The following RIMS2 variants were observed in gnomAD, a reference collection of about 807,000 sequenced individuals.
RIMS2 encodes the protein regulating synaptic membrane exocytosis protein 2.
Under a neutral mutation model 174.4 loss-of-function variants are expected in RIMS2, and 59 were observed. That is an observed-to-expected ratio of 0.34 (90% CI 0.27 to 0.42). The LOEUF (loss-of-function observed/expected upper bound fraction) is 0.42. RIMS2 is among the 10% of genes least tolerant of loss of function. The pLI is 1.00. For synonymous variants in RIMS2, 606 were observed against 572.5 expected, an observed-to-expected ratio of 1.06 and a Z score of -0.84; for missense variants, 1,620 against 1,666.3, an observed-to-expected ratio of 0.97 and a Z score of 0.48.
At chr8:104,182,170 T>G (rs1303451044) in intron 19 of RIMS2, among the ~76,000 whole-genome samples, 2 of 151,852 alleles carry the variant, frequency 1.3e-5, no homozygotes, top group Non-Finnish European at 2.9e-5. Context: ...ATTAGGAATA[T>G]TTTCTTCTAA....
In RIMS2 at chr8:104,189,631, GTATACAATTCTAAATATATATTCCA is replaced by G; in HGVS notation, c.3335-55284_3335-55260del. 3.4e-5 allele frequency among the ~76,000 whole-genome samples: 5 copies of G among 147,470 alleles called. No homozygotes were observed. The South Asian group carries it at 8.4e-4, about 25-fold the overall frequency. On this transcript the variant is annotated intron_variant, in intron 19 of 23. Transcript: ENST00000504942. ...AAATATATATATATTTCAAATATATGTATACAATTCTAAATATATATTCCAAATGTATATATAGTCTCTCTATATA... is the reference window on the plus strand; with the variant it reads ...AAATATATATATATTTCAAATATATGAATGTATATATAGTCTCTCTATATA...
intron 19 of RIMS2, among the ~76,000 whole-genome samples, chr8:104,017,040 TG>T (rs1411868871): frequency 1.3e-5 from 2 of 152,062 alleles, no homozygotes; most frequent in African/African-American, 4.8e-5. Flanking sequence ...AAAGGGGTTT[TG>T]TTTTTTAGTT....
intron 3 of RIMS2, among the ~76,000 whole-genome samples, chr8:103,860,923 T>A (rs951460498): frequency 2.0e-5 from 3 of 152,170 alleles, no homozygotes; most frequent in Admixed American, 1.3e-4. Flanking sequence ...TAAGCAATTG[T>A]CTGTACAAAG....
chr8:103,590,523 T>C (rs190170122), intron 1 of RIMS2, among the ~76,000 whole-genome samples: 1 of 151,228 alleles, frequency 6.6e-6, no homozygotes, highest in Non-Finnish European at 1.5e-5. Context: ...CAACTTACCA[T>C]GAAAAATTTC....
intron 1 of RIMS2, among the ~76,000 whole-genome samples, chr8:103,576,052 T>G (rs2093207547): frequency 6.6e-6 from 1 of 152,192 alleles, no homozygotes; most frequent in Non-Finnish European, 1.5e-5. Flanking sequence ...GCAGGACCAC[T>G]ATCCTCAGCA....
chr8:103,575,165 A>G (rs2093122043), intron 1 of RIMS2, among the ~76,000 whole-genome samples: 1 of 152,252 alleles, frequency 6.6e-6, no homozygotes, highest in African/African-American at 2.4e-5. Flanking sequence ...AAGAACTTAT[A>G]TAAATGTCCA....
chr8:103,557,321 C>T (rs989204569), intron 1 of RIMS2, among the ~76,000 whole-genome samples: 1 of 152,160 alleles, frequency 6.6e-6, no homozygotes, highest in Non-Finnish European at 1.5e-5. Flanking sequence ...AAAGCCCTTT[C>T]AAGGCTCTTC....
At chr8:104,057,648 A>T (rs1008691780) in intron 19 of RIMS2, among the ~76,000 whole-genome samples, 44 of 151,218 alleles carry the variant, frequency 2.9e-4, no homozygotes, top group Non-Finnish European at 7.4e-5. Context: ...TACATGTGCC[A>T]TGCTGGTGTG....
Position 104,049,788 on chromosome 8 carries a change from C to T in RIMS2, c.3334+35173C>T, listed in dbSNP as rs964555030. 2.2e-4 allele frequency among the ~76,000 whole-genome samples: 34 copies of T among 152,224 alleles called. 1 individual carries two copies. Among genetic ancestry groups the T allele is most frequent in the Non-Finnish European group, 4.6e-4 (31 of 68,006 alleles). On this transcript the variant is annotated intron_variant, in intron 19 of 23. Coordinates refer to ENST00000504942, the Ensembl canonical transcript of RIMS2. ...AAACACACAAAAAGACATAGTCTACCACTTTTCTCATTTAGGATTGAAGAG... is the reference window on the plus strand; with the variant it reads ...AAACACACAAAAAGACATAGTCTACTACTTTTCTCATTTAGGATTGAAGAG...
intron 1 of RIMS2, among the ~76,000 whole-genome samples, chr8:103,565,186 C>T (rs2092184695): frequency 6.6e-6 from 1 of 152,184 alleles, no homozygotes. Flanking sequence ...AATGAATAGT[C>T]TAGGTGCAGT....
At chr8:104,076,829 T>C (rs2097302060) in intron 19 of RIMS2, among the ~76,000 whole-genome samples, 2 of 151,728 alleles carry the variant, frequency 1.3e-5, no homozygotes, top group Admixed American at 1.3e-4. Flanking sequence ...ATCTTTTTTT[T>C]TTTTTTTTAC....
At chr8:104,001,293 AC>A (rs1394483737) in intron 17 of RIMS2, among the ~76,000 whole-genome samples, 1 of 151,982 alleles carries the variant, frequency 6.6e-6, no homozygotes, top group Non-Finnish European at 1.5e-5. Context: ...TATCCCAATT[AC>A]CCAAATTTGA....
At position 103,975,515 on chromosome 8, in the gene RIMS2, G is replaced by A. The variant is rs1224232538; in HGVS notation, c.2927+9G>A. ...GTCCCTCCTCCACAAAGGTAAGATA[G>A]ACTACTTATTTTATTTGTAGGGTGG... On this transcript the variant is annotated intron_variant, in intron 16 of 23. Transcript: ENST00000504942. The A allele has an allele frequency of 6.2e-7, 1 of 1,606,154 alleles. No individual in the cohort carries two copies. Among genetic ancestry groups the A allele is most frequent in the Non-Finnish European group, 8.5e-7 (1 of 1,173,666 alleles).
intron 19 of RIMS2, among the ~76,000 whole-genome samples, chr8:104,148,333 T>C (rs1195160645): frequency 6.6e-6 from 1 of 152,112 alleles, no homozygotes; most frequent in East Asian, 1.9e-4. Flanking sequence ...CCCACTGATT[T>C]TTCATGAATT....
intron 19 of RIMS2, among the ~76,000 whole-genome samples, chr8:104,152,034 TG>T (rs2098692919): frequency 6.6e-6 from 1 of 152,228 alleles, no homozygotes; most frequent in South Asian, 2.1e-4. Flanking sequence ...TTGGCACAAC[TG>T]TCCCATATAT....
At chr8:104,015,931 G>T (rs1187545955) in intron 19 of RIMS2, among the ~76,000 whole-genome samples, 7 of 151,984 alleles carry the variant, frequency 4.6e-5, no homozygotes, top group Non-Finnish European at 1.0e-4. Context: ...AGTGATTGTG[G>T]CTTGCGTTTC....
chr8:104,063,672 T>C (rs2097049000), intron 19 of RIMS2, among the ~76,000 whole-genome samples: 1 of 152,214 alleles, frequency 6.6e-6, no homozygotes, highest in Non-Finnish European at 1.5e-5. Context: ...CATATTGGGC[T>C]TAAGAGTTTT....
rs568482696 is a variant in RIMS2 at position 103,687,140 on chromosome 8, T to G, written c.177-9946T>G. The stretch of plus-strand genomic sequence containing the variant: ...AAAGTTATTTAATGGATATAAAGCT[T>G]GTCAAGCTATCTTTTTTTTTTGGTG... On this transcript the variant is annotated intron_variant, in intron 1 of 23. Coordinates refer to ENST00000504942, the Ensembl canonical transcript of RIMS2. Among the ~76,000 whole-genome samples the G allele has an allele frequency of 1.7e-4, 26 of 152,224 alleles. 1 individual carries two copies. In the South Asian group the frequency reaches 5.2e-3, roughly 30 times the overall value.
downstream of RIMS2, chr8:104,255,929 G>T (rs1411666349): frequency 6.6e-6 from 1 of 152,122 alleles, no homozygotes; most frequent in Non-Finnish European, 1.5e-5. Context: ...TAATCTCCAG[G>T]ATTTCATTTC....
Sources: gnomAD v4.1 joint callset for allele counts (sites outside exome capture counted in the v4.1 genomes callset) on GRCh38, gnomAD v4.1.1 for gene constraint, MANE v1.5 for transcripts, NCBI Gene and HGNC (gene_info 2026-07-23, HGNC 2026-07-21) for gene names.